FGF10: variants seen among roughly 807,000 people sequenced by gnomAD.
The protein encoded by FGF10 is fibroblast growth factor 10.
FGF10 carries 2 observed loss-of-function variants against 19.8 expected under a neutral mutation model. That is an observed-to-expected ratio of 0.10 (90% confidence interval 0.04 to 0.32). FGF10 has a LOEUF of 0.32. Ranked by LOEUF, FGF10 falls within the 10% of genes least tolerant of loss-of-function variation. FGF10 has a pLI of 1.00. For missense variants in FGF10, 191 were observed against 246.3 expected (o/e 0.78, Z 1.50); for synonymous variants, 112 against 94.0 (o/e 1.19, Z -1.10).
chr5:44,366,403 T>C (rs1312882951), intron 1 of FGF10, among the ~76,000 whole-genome samples: 1 of 151,980 alleles, frequency 6.6e-6, no homozygotes, highest in Admixed American at 6.6e-5. Flanking sequence ...ATGGCAACAT[T>C]AAGGAAAGCA....
chr5:44,326,099 TA>T (rs1561202210), intron 1 of FGF10, among the ~76,000 whole-genome samples: 1 of 152,130 alleles, frequency 6.6e-6, no homozygotes, highest in African/African-American at 2.4e-5. Context: ...GACATGCCCT[TA>T]AAAAGCTTGA....
At position 44,388,794 on chromosome 5, in the gene FGF10, C is replaced by G; in HGVS notation, c.-112G>C. 1 of 1,106,338 alleles carries G rather than the reference C, an allele frequency of 9.0e-7. No homozygotes were observed. The highest frequency in any genetic ancestry group is 1.3e-5 in the South Asian group (1 of 75,848). 68.5% of individuals were successfully genotyped at this position (1,106,338 alleles called of 1,614,324 possible). On this transcript the variant is annotated 5_prime_UTR_variant, in exon 1 of 3. Transcript: ENST00000264664. Reference sequence around the variant, plus strand: ...TCGAGGTGGTGGCTGCTGGTTAGCTCCCTCTGGGCGCGGATCTGGCCAGAA... The same window carrying G: ...TCGAGGTGGTGGCTGCTGGTTAGCTGCCTCTGGGCGCGGATCTGGCCAGAA...
chr5:44,357,692 C>T (rs1002333120), intron 1 of FGF10, among the ~76,000 whole-genome samples: 1 of 151,430 alleles, frequency 6.6e-6, no homozygotes, highest in Non-Finnish European at 1.5e-5. Flanking sequence ...TATTTTGCCT[C>T]TCTTTGTGAG....
intron 1 of FGF10, among the ~76,000 whole-genome samples, chr5:44,375,265 A>T (rs1426516817): frequency 6.6e-6 from 1 of 152,222 alleles, no homozygotes; most frequent in African/African-American, 2.4e-5. Context: ...ATGGGTAAAC[A>T]GTCAACTAAT....
chr5:44,350,848 A>G (rs951144040), intron 1 of FGF10, among the ~76,000 whole-genome samples: 9 of 151,390 alleles, frequency 5.9e-5, no homozygotes, highest in Non-Finnish European at 1.3e-4. Flanking sequence ...TTTCTTTAAA[A>G]GAATGTGATT....
Position 44,388,443 on chromosome 5 carries a change from T to C in FGF10, c.240A>G (p.Arg80=). 6.2e-7 allele frequency: 1 copy of C among 1,613,990 alleles called. No homozygotes were observed. Among genetic ancestry groups the C allele is most frequent in the Non-Finnish European group, 8.5e-7 (1 of 1,180,008 alleles). Residue 80 remains arginine (R), a synonymous_variant, in exon 1 of 3, where the codon AGA becomes AGG. Coordinates refer to ENST00000264664, the MANE Select transcript of FGF10 (RefSeq NM_004465.2). The part of the protein sequence containing the change: ...YNHLQGDVRW[R]KLFSFTKYFL... ...AGTACTTGGTGAAAGAGAATAGCTT[T>C]CTCCAGCGGACATCTCCTTGAAGGT...
rs774345699 is a variant in FGF10 at position 44,303,000 on chromosome 5, T to C, written c.*1995A>G. On this transcript the variant is annotated 3_prime_UTR_variant, in exon 3 of 3. Coordinates refer to ENST00000264664, the MANE Select transcript of FGF10 (RefSeq NM_004465.2). ...GATACCTAGTTTTGATAGGAATGCA[T>C]TACATTATAGCTCACAGACTGAGTT... Among the ~76,000 whole-genome samples, 3 of 152,154 alleles carry C rather than the reference T, an allele frequency of 2.0e-5. No individual in the cohort carries two copies. The highest frequency in any genetic ancestry group is 4.4e-5 in the Non-Finnish European group (3 of 68,028).
rs565787073 is a variant in FGF10, at chr5:44,348,676, TTTTTA to T, written c.326-38151_326-38147del. On this transcript the variant is annotated intron_variant, in intron 1 of 2. Transcript: ENST00000264664. ...GAATTTAAGATATATAACGAATGGC[TTTTTA>T]TTTTAAGTGTATTTATATTACATGC... is the stretch of plus-strand genomic sequence containing the variant. Among the ~76,000 whole-genome samples the T allele has an allele frequency of 6.3e-3, 951 of 151,460 alleles. 4 individuals carry two copies. Among genetic ancestry groups the T allele is most frequent in the Non-Finnish European group, 1.0e-2 (674 of 67,668 alleles).
chr5:44,338,203 AAC>A (rs1740895261), intron 1 of FGF10, among the ~76,000 whole-genome samples: 2 of 152,292 alleles, frequency 1.3e-5, no homozygotes, highest in South Asian at 2.1e-4. Context: ...TATCTTAAAT[AAC>A]ACATATAGTT....
chr5:44,376,518 C>CAAAAAAAAAA (rs1265124775), intron 1 of FGF10, among the ~76,000 whole-genome samples: 1 of 72,694 alleles, frequency 1.4e-5, no homozygotes, highest in Non-Finnish European at 2.7e-5. Flanking sequence ...AAAAAAAAAA[C>CAAAAAAAAAA]AAAAAACCCA....
rs186848543 is a variant in FGF10, at chr5:44,351,089, C to T, written c.325+37269G>A. On this transcript the variant is annotated intron_variant, in intron 1 of 2. Transcript: ENST00000264664. ...AAAAGTGAGCTAATTAAGTTTAGCC[C>T]GCATTAAAATTTGAATTTTATTGTG... 4.6e-5 allele frequency among the ~76,000 whole-genome samples: 7 copies of T among 151,378 alleles called. No individual in the cohort carries two copies. The East Asian group carries it at 7.8e-4, about 17-fold the overall frequency.
intron 2 of FGF10, among the ~76,000 whole-genome samples, chr5:44,306,167 G>A (rs556768074): frequency 4.6e-5 from 7 of 152,164 alleles, no homozygotes; most frequent in Non-Finnish European, 1.0e-4. Flanking sequence ...GGAGGCTGAG[G>A]CAGGCGAATC....
At chr5:44,309,696 A>T (rs1410343738) in intron 2 of FGF10, among the ~76,000 whole-genome samples, 1 of 152,098 alleles carries the variant, frequency 6.6e-6, no homozygotes, top group East Asian at 1.9e-4. Flanking sequence ...TTATAAAACA[A>T]CTATTTGGCA....
At chr5:44,382,481 A>AT (rs1211274403) in intron 1 of FGF10, among the ~76,000 whole-genome samples, 1 of 152,204 alleles carries the variant, frequency 6.6e-6, no homozygotes, top group African/African-American at 2.4e-5. Context: ...AGATGCAGGT[A>AT]TATTTCCTTT....
chr5:44,347,937 G>C (rs1014547852), intron 1 of FGF10, among the ~76,000 whole-genome samples: 1 of 151,656 alleles, frequency 6.6e-6, no homozygotes, highest in African/African-American at 2.4e-5. Flanking sequence ...TTGGGAACAT[G>C]CTATATTTTT....
chr5:44,333,477 T>G (rs1275669240), intron 1 of FGF10, among the ~76,000 whole-genome samples: 1 of 152,104 alleles, frequency 6.6e-6, no homozygotes, highest in East Asian at 1.9e-4. Flanking sequence ...ATAACAAAAT[T>G]TATAGAAGAT....
chr5:44,318,466 A>T (rs1229772606), intron 1 of FGF10, among the ~76,000 whole-genome samples: 1 of 152,138 alleles, frequency 6.6e-6, no homozygotes, highest in Admixed American at 6.6e-5. Context: ...TCATGGCCAC[A>T]TCCCACTTTT....
intron 1 of FGF10, among the ~76,000 whole-genome samples, chr5:44,359,326 C>G (rs1482689): frequency 0.29 from 43,225 of 151,384 alleles, 6,417 homozygotes; most frequent in Admixed American, 0.4. Flanking sequence ...CATGCATATT[C>G]AAAGATAATG....
chr5:44,377,557 C>CT (rs1211036971), intron 1 of FGF10, among the ~76,000 whole-genome samples: 4 of 152,098 alleles, frequency 2.6e-5, no homozygotes, highest in Non-Finnish European at 5.9e-5. Context: ...TTTCGCTATT[C>CT]TTTTTTTCTT....
Sources: gnomAD v4.1 joint callset for allele counts (sites outside exome capture counted in the v4.1 genomes callset) on GRCh38, gnomAD v4.1.1 for gene constraint, MANE v1.5 for transcripts, NCBI Gene and HGNC (gene_info 2026-07-23, HGNC 2026-07-21) for gene names.